The following COL27A1 variants were observed in gnomAD, a reference collection of about 807,000 sequenced individuals.
COL27A1 encodes collagen alpha-1(XXVII) chain.
COL27A1 carries 106 observed loss-of-function variants against 251.3 expected under a neutral mutation model. That is an observed-to-expected ratio of 0.42 (90% CI 0.36 to 0.50). The LOEUF is 0.50. COL27A1 is among the 20% of genes least tolerant of loss of function. The pLI is 0.00. For synonymous variants in COL27A1, 1,000 were observed against 986.3 expected (o/e 1.01, Z -0.26); for missense variants, 2,325 against 2,522.8 (o/e 0.92, Z 1.68).
intron 3 of COL27A1, among the ~76,000 whole-genome samples, chr9:114,174,268 G>C (rs1849532396): frequency 6.6e-6 from 1 of 151,982 alleles, no homozygotes; most frequent in African/African-American, 2.4e-5. Context: ...TTTACGGAGG[G>C]GTGGACAGCA....
intron 17 of COL27A1, among the ~76,000 whole-genome samples, 194 bp downstream of exon 17, chr9:114,235,846 C>T (rs1188832561): frequency 6.6e-6 from 1 of 152,104 alleles, no homozygotes; most frequent in Admixed American, 6.5e-5. Flanking sequence ...GACCTTTTAA[C>T]TTATTTCTGG....
intron 14 of COL27A1, among the ~76,000 whole-genome samples, chr9:114,230,236 A>C (rs1010033589): frequency 1.3e-5 from 2 of 152,082 alleles, no homozygotes; most frequent in Admixed American, 6.5e-5. Context: ...TGGAAGGGCC[A>C]CGGGGCCTGT....
At chr9:114,224,223 C>G (rs1831310994) in intron 14 of COL27A1, among the ~76,000 whole-genome samples, 1 of 152,204 alleles carries the variant, frequency 6.6e-6, no homozygotes, top group African/African-American at 2.4e-5. Context: ...CCTCTCTAAG[C>G]CCAACAGGAA....
chr9:114,170,212 A>G (rs1381887088), intron 3 of COL27A1, among the ~76,000 whole-genome samples: 1 of 152,176 alleles, frequency 6.6e-6, no homozygotes, highest in Non-Finnish European at 1.5e-5. Context: ...AACCCCCGGT[A>G]GGAGTTTGGG....
intron 8 of COL27A1, among the ~76,000 whole-genome samples, chr9:114,205,542 T>C (rs1023211365): frequency 6.6e-6 from 1 of 152,210 alleles, no homozygotes; most frequent in Admixed American, 6.5e-5. Flanking sequence ...AGTAATTTCT[T>C]ATTCCTGGGC....
Position 114,155,819 on chromosome 9 carries a change from C to G in COL27A1, c.-132C>G. The G allele has an allele frequency of 1.4e-6, 1 of 736,188 alleles. No individual in the cohort carries two copies. Among genetic ancestry groups the G allele is most frequent in the Non-Finnish European group, 1.7e-6 (1 of 603,200 alleles). The allele number at this position is 736,188 out of a possible 1,614,324, so 45.6% of individuals were successfully genotyped here. A position where few individuals can be genotyped will look rare whatever the true frequency, so the allele number is the denominator to read the frequency against. ...CTGCCTGCTCGGGCGCCCCTGGGCG[C>G]GGGGCTGCGCTGGGGGCGCGGGGGC... On this transcript the variant is annotated 5_prime_UTR_variant, in exon 1 of 61. Transcript: ENST00000356083. The surrounding 1 kb of genome is among the most constrained non-coding windows in gnomAD (Gnocchi z 5.5).
In COL27A1 at chr9:114,168,048, G is replaced by T. The variant is rs1291079691; in HGVS notation, c.493G>T (p.Gly165Cys). The change falls in exon 3 of 61, where the codon GGC (glycine) becomes TGC (cysteine). Residue 165 changes from glycine (G) to cysteine (C), a missense_variant. This residue lies in a region of COL27A1 where 1,183 missense variants were observed against 1,144.1 expected (regional missense o/e 1.03). Transcript: ENST00000356083. ...GCACCACCTGGCCCTCGAGCTCCGA[G>T]GCCGCACAGTCACTCTGGTGACTGC... ...RWHHLALELRGRTVTLVTACG... is the reference protein window; with the variant it reads ...RWHHLALELRCRTVTLVTACG... 10 of 1,607,356 alleles carry T rather than the reference G, an allele frequency of 6.2e-6. No individual in the cohort carries two copies. The highest frequency in any genetic ancestry group is 8.5e-6 in the Non-Finnish European group (10 of 1,179,830).
At chr9:114,154,720 C>T (rs2134968825), upstream of COL27A1, among the ~76,000 whole-genome samples, 1 of 152,182 alleles carries the variant, frequency 6.6e-6, no homozygotes, top group Middle Eastern at 3.4e-3. The surrounding 1 kb of genome is among the most constrained non-coding windows in gnomAD (Gnocchi z 5.8). Flanking sequence ...GTGGCTGTCC[C>T]AGAATGGGAC....
At chr9:114,253,047 G>T (rs552313179) in intron 27 of COL27A1, 115 bp downstream of exon 27, 4 of 834,378 alleles carry the variant, frequency 4.8e-6, no homozygotes, top group Non-Finnish European at 7.8e-6. Context: ...GATCACTTGA[G>T]GCCAGAGTTC....
intron 27 of COL27A1, among the ~76,000 whole-genome samples, chr9:114,257,238 A>G (rs982241694): frequency 6.6e-6 from 1 of 151,968 alleles, no homozygotes; most frequent in Non-Finnish European, 1.5e-5. Context: ...TCTGCCTTGC[A>G]AAAGGAGCAC....
At chr9:114,209,810 G>A (rs1216926974) in intron 11 of COL27A1, 82 bp downstream of exon 11, 1 of 1,345,394 alleles carries the variant, frequency 7.4e-7, no homozygotes, top group East Asian at 2.3e-5. Context: ...CCAGCCTGGG[G>A]AAGTCAAGGA....
chr9:114,243,538 G>A lies in COL27A1; in HGVS notation c.2912G>A (p.Arg971Lys), dbSNP rs762777959. The stretch of plus-strand genomic sequence containing the variant: ...CCTGGCAGGAAGGGGTTTCCTGGGA[G>A]GCCCGGCCTGGATGGCGTGAAGGTG... ...GQPGRKGFPG[R>K]PGLDGVKGEP... Residue 971 changes from arginine (R) to lysine (K), a missense_variant, in exon 23 of 61, where the codon AGG becomes AAG. Arg to Lys is a conservative substitution (Grantham distance 26). Coordinates refer to ENST00000356083, the MANE Select transcript of COL27A1 (RefSeq NM_032888.4). 2 of 1,613,760 alleles carry A rather than the reference G, an allele frequency of 1.2e-6. No homozygotes were observed. The highest frequency in any genetic ancestry group is 1.7e-6 in the Non-Finnish European group (2 of 1,179,854).
chr9:114,194,783 G>A (rs1828992407), intron 6 of COL27A1, among the ~76,000 whole-genome samples: 1 of 152,204 alleles, frequency 6.6e-6, no homozygotes, highest in Non-Finnish European at 1.5e-5. Context: ...GGTCTGCTAG[G>A]TGACTGTGGG....
chr9:114,231,739 G>T, intron 15 of COL27A1, 83 bp from the exon 16 acceptor site: 3 of 1,408,184 alleles, frequency 2.1e-6, no homozygotes, highest in Non-Finnish European at 3.0e-6. Flanking sequence ...ACGGGGTCTT[G>T]CAGCAAGTCG....
intron 57 of COL27A1, chr9:114,306,199 A>G (rs1829031889): frequency 4.6e-6 from 1 of 215,516 alleles, no homozygotes; most frequent in Non-Finnish European, 9.3e-6. Context: ...CTCTTTGCAG[A>G]TAGAGATTGG....
chr9:114,264,701 C>T (rs904132590), intron 29 of COL27A1, among the ~76,000 whole-genome samples: 2 of 152,170 alleles, frequency 1.3e-5, no homozygotes, highest in African/African-American at 4.8e-5. Flanking sequence ...TCTGGCAGCC[C>T]CATCCCTAGG....
chr9:114,275,221 G>A (rs1000782644), intron 36 of COL27A1, among the ~76,000 whole-genome samples: 7 of 151,950 alleles, frequency 4.6e-5, no homozygotes, highest in African/African-American at 7.2e-5. Flanking sequence ...CTATAATTGC[G>A]CCTCTGCACT....
At chr9:114,294,930 G>A (rs1222735878) in intron 49 of COL27A1, among the ~76,000 whole-genome samples, 2 of 152,218 alleles carry the variant, frequency 1.3e-5, no homozygotes, top group East Asian at 3.8e-4. Flanking sequence ...TGTCTATGTA[G>A]AAGATCCATT....
At chr9:114,276,435 G>A (rs1476115212) in intron 37 of COL27A1, among the ~76,000 whole-genome samples, 9 of 152,172 alleles carry the variant, frequency 5.9e-5, no homozygotes, top group East Asian at 1.9e-4. Context: ...GTGAAACCCC[G>A]TCTCTACTAA....
Sources: allele counts gnomAD v4.1 joint callset (sites outside exome capture counted in the v4.1 genomes callset), GRCh38; gene constraint gnomAD v4.1.1; regional missense constraint gnomAD v4.1.1; non-coding constraint Gnocchi (gnomAD v3.1); transcripts MANE v1.5; gene names NCBI Gene and HGNC (gene_info 2026-07-23, HGNC 2026-07-21).